Variants in HDAC4 observed in about 807,000 individuals in gnomAD.
HDAC4 encodes histone deacetylase A.
HDAC4 carries 16 observed loss-of-function variants against 135.1 expected under a neutral mutation model. That is an observed-to-expected ratio of 0.12 (90% CI 0.08 to 0.18). The LOEUF (loss-of-function observed/expected upper bound fraction) is 0.18. Among genes scored for constraint, HDAC4 ranks in the 10% least tolerant of loss-of-function variants. HDAC4 has a pLI of 1.00. For synonymous variants in HDAC4, 685 were observed against 653.4 expected (o/e 1.05, Z -0.74); for missense variants, 1,143 against 1,511.8 (o/e 0.76, Z 4.05).
intron 7 of HDAC4, among the ~76,000 whole-genome samples, chr2:239,152,171 T>C (rs1301655304): frequency 1.3e-5 from 2 of 152,164 alleles, no homozygotes; most frequent in Non-Finnish European, 2.9e-5. Flanking sequence ...CTTTTAAAAG[T>C]GGAAAAGCCT....
chr2:239,257,508 TAGG>T (rs1306794812), intron 2 of HDAC4, among the ~76,000 whole-genome samples: 1 of 152,146 alleles, frequency 6.6e-6, no homozygotes, highest in Non-Finnish European at 1.5e-5. Flanking sequence ...ATATTAGGGT[TAGG>T]AGGAGAACTC....
intron 4 of HDAC4, among the ~76,000 whole-genome samples, chr2:239,178,780 G>A (rs1017737094): frequency 6.6e-6 from 1 of 152,214 alleles, no homozygotes; most frequent in Admixed American, 6.5e-5. Flanking sequence ...CAACCAGAGT[G>A]GCCCGAGGAA....
intron 22 of HDAC4, among the ~76,000 whole-genome samples, chr2:239,080,592 CGG>C (rs1559385266): frequency 0.019 from 3 of 158 alleles, no homozygotes; most frequent in Admixed American, 0.045. Context: ...CGTCTTTAAA[CGG>C]CGCGCCCTGC....
At chr2:239,117,540 G>A (rs919957326) in intron 12 of HDAC4, among the ~76,000 whole-genome samples, 1 of 140,024 alleles carries the variant, frequency 7.1e-6, no homozygotes, top group African/African-American at 2.7e-5. Flanking sequence ...GAGAACAAGA[G>A]GGGAGAGAGG....
intron 26 of HDAC4, 31 bp from the exon 27 acceptor site, chr2:239,053,167 G>A: frequency 6.2e-7 from 1 of 1,613,718 alleles, no homozygotes; most frequent in Non-Finnish European, 8.5e-7. Flanking sequence ...GGAGATGGGG[G>A]CGTGGGGCAG....
Position 239,176,575 on chromosome 2 carries a change from A to G in HDAC4, c.340-12T>C, listed in dbSNP as rs1289177653. 2 of 1,611,516 alleles carry G rather than the reference A, an allele frequency of 1.2e-6. No individual in the cohort carries two copies. Among genetic ancestry groups the G allele is most frequent in the African/African-American group, 2.7e-5 (2 of 74,874 alleles). ...ATCTCCTGTTGTTGCTGCAAGTGGA[A>G]GGAGGAGACAGACGGTCAGAGCCCA... On this transcript the variant is annotated splice_polypyrimidine_tract_variant and intron_variant, in intron 4 of 26. Transcript: ENST00000543185.
At chr2:239,276,781 G>A (rs922317958) in intron 2 of HDAC4, among the ~76,000 whole-genome samples, 1 of 152,246 alleles carries the variant, frequency 6.6e-6, no homozygotes, top group African/African-American at 2.4e-5. Flanking sequence ...AGAGCCAGGC[G>A]AGGCAAGACG....
intron 2 of HDAC4, among the ~76,000 whole-genome samples, chr2:239,304,495 C>T (rs925831668): frequency 6.6e-6 from 1 of 152,204 alleles, no homozygotes; most frequent in Non-Finnish European, 1.5e-5. Flanking sequence ...TATAACGTAA[C>T]AGACATGAAA....
intron 1 of HDAC4, among the ~76,000 whole-genome samples, chr2:239,357,070 G>A (rs919534611): frequency 6.6e-6 from 1 of 152,162 alleles, no homozygotes; most frequent in Admixed American, 6.5e-5. Context: ...CTGAATACAC[G>A]TTATTCACGT....
chr2:239,258,092 T>C (rs777850333), intron 2 of HDAC4, among the ~76,000 whole-genome samples: 1 of 150,262 alleles, frequency 6.7e-6, no homozygotes, highest in Non-Finnish European at 1.5e-5. Flanking sequence ...AGAAGATGAG[T>C]TGGAAACTTG....
intron 9 of HDAC4, among the ~76,000 whole-genome samples, chr2:239,137,820 C>T (rs3791470): frequency 0.13 from 19,447 of 152,216 alleles, 1,579 homozygotes; most frequent in Non-Finnish European, 0.18. Flanking sequence ...CTGCCCGTGC[C>T]CACTCTAATG....
chr2:239,336,650 G>C (rs989824988), intron 2 of HDAC4, among the ~76,000 whole-genome samples: 26 of 152,164 alleles, frequency 1.7e-4, no homozygotes, highest in Admixed American at 3.3e-4. Context: ...CAAAATTCTT[G>C]ACATATTTTA....
At chr2:239,259,482 AC>A (rs1175645011) in intron 2 of HDAC4, among the ~76,000 whole-genome samples, 1 of 152,202 alleles carries the variant, frequency 6.6e-6, no homozygotes, top group African/African-American at 2.4e-5. Context: ...AACCAAAAAA[AC>A]ACTTATAAAT....
chr2:239,182,884 A>T (rs1559191146), intron 4 of HDAC4, among the ~76,000 whole-genome samples: 1 of 152,200 alleles, frequency 6.6e-6, no homozygotes, highest in Non-Finnish European at 1.5e-5. Flanking sequence ...CTTATTCTCC[A>T]TGGGAACCCT....
At chr2:239,327,590 C>T (rs2053507916) in intron 2 of HDAC4, among the ~76,000 whole-genome samples, 2 of 152,212 alleles carry the variant, frequency 1.3e-5, no homozygotes, top group South Asian at 2.1e-4. Flanking sequence ...GAAAACAAGT[C>T]GAAACTGCAA....
chr2:239,205,712 C>T (rs980235623), intron 3 of HDAC4, among the ~76,000 whole-genome samples: 5 of 150,508 alleles, frequency 3.3e-5, no homozygotes, highest in South Asian at 2.1e-4. Flanking sequence ...GAGGGGAGGA[C>T]GAGGAGGGAG....
At chr2:239,113,826 G>T (rs1344243576) in intron 13 of HDAC4, among the ~76,000 whole-genome samples, 7 of 152,134 alleles carry the variant, frequency 4.6e-5, no homozygotes, top group African/African-American at 1.7e-4. Context: ...GAGGCCCGGG[G>T]CTTTCTCTCT....
intron 2 of HDAC4, among the ~76,000 whole-genome samples, chr2:239,339,457 C>T (rs375765418): frequency 6.6e-6 from 1 of 152,252 alleles, no homozygotes; most frequent in Non-Finnish European, 1.5e-5. Flanking sequence ...GCTCCTGCCC[C>T]TGTCCATTCC....
rs1219241832 is a variant in HDAC4 at position 239,048,627 on chromosome 2, A to C, written c.*4470T>G. The stretch of plus-strand genomic sequence containing the variant: ...GTTTGTCATTCTCATCAATTGGAAA[A>C]TAGCGCCTCCACTATGGAGCACACA... On this transcript the variant is annotated 3_prime_UTR_variant, in exon 27 of 27. Coordinates refer to ENST00000543185, the MANE Select transcript of HDAC4 (RefSeq NM_001378414.1). The C allele has an allele frequency of 4.0e-5, 6 of 151,484 alleles. No individual in the cohort carries two copies. The highest frequency in any genetic ancestry group is 1.5e-4 in the African/African-American group (6 of 41,076). The allele number at this position is 151,484 out of a possible 1,614,324, so 9.4% of individuals were successfully genotyped here.
Sources: gnomAD v4.1 joint callset for allele counts (sites outside exome capture counted in the v4.1 genomes callset) on GRCh38, gnomAD v4.1.1 for gene constraint, MANE v1.5 for transcripts, NCBI Gene and HGNC (gene_info 2026-07-23, HGNC 2026-07-21) for gene names.